The following GOLPH3L variants were observed in gnomAD, a reference collection of about 807,000 sequenced individuals.
The protein encoded by GOLPH3L is Golgi phosphoprotein 3-like.
GOLPH3L carries 22 observed loss-of-function variants against 30.3 expected under a neutral mutation model. The observed-to-expected ratio is 0.73, with a 90% CI of 0.52 to 1.04. The LOEUF (loss-of-function observed/expected upper bound fraction) is 1.04, where lower values mean the gene tolerates loss of function less well. Ranked by LOEUF, GOLPH3L falls within the 50% of genes least tolerant of loss-of-function variation. GOLPH3L has a pLI of 0.00. For missense variants in GOLPH3L, 303 were observed against 345.8 expected (o/e 0.88, Z 0.98); for synonymous variants, 120 against 128.2 (o/e 0.94, Z 0.43).
chr1:150,676,516 T>A (rs1170333866), intron 2 of GOLPH3L, among the ~76,000 whole-genome samples: 4 of 152,012 alleles, frequency 2.6e-5, no homozygotes, highest in African/African-American at 7.2e-5. Flanking sequence ...AACAACCCAA[T>A]AAGAACTCCA....
At chr1:150,649,503 A>G (rs766592985) in intron 4 of GOLPH3L, among the ~76,000 whole-genome samples, 2 of 152,222 alleles carry the variant, frequency 1.3e-5, no homozygotes, top group Non-Finnish European at 2.9e-5. Context: ...TGCTAGCTCT[A>G]TGGCACTGGT....
chr1:150,690,202 G>T (rs956616103), intron 2 of GOLPH3L, among the ~76,000 whole-genome samples: 2 of 151,830 alleles, frequency 1.3e-5, no homozygotes, highest in African/African-American at 4.8e-5. Context: ...GCCCAGGTTG[G>T]TCTAGAATTC....
rs370156839 is a variant in GOLPH3L, at chr1:150,661,774, A to T, written c.430+40T>A. 35 of 903,554 alleles carry T rather than the reference A, an allele frequency of 3.9e-5. No individual in the cohort carries two copies. In the African/African-American group the frequency reaches 4.7e-4, roughly 12 times the overall value. 56.0% of individuals were successfully genotyped at this position (903,554 alleles called of 1,614,324 possible). On this transcript the variant is annotated intron_variant, in intron 4 of 4. Transcript: ENST00000271732. ...TAAATTTCAGGGTAGGATAAAGATA[A>T]CAAAGTGTGAAATTCATATATTATT... is the stretch of plus-strand genomic sequence containing the variant.
At chr1:150,654,162 G>A (rs1429553831) in intron 4 of GOLPH3L, among the ~76,000 whole-genome samples, 6 of 152,040 alleles carry the variant, frequency 3.9e-5, no homozygotes, top group African/African-American at 1.4e-4. Flanking sequence ...ATAGAGAAAG[G>A]GACCAAAAGG....
At chr1:150,666,949 G>A (rs1650522194) in intron 2 of GOLPH3L, among the ~76,000 whole-genome samples, 1 of 152,054 alleles carries the variant, frequency 6.6e-6, no homozygotes, top group South Asian at 2.1e-4. Context: ...CACGTTTAAC[G>A]TTTTGTGAAT....
intron 2 of GOLPH3L, among the ~76,000 whole-genome samples, chr1:150,691,399 C>G (rs1651208916): frequency 6.6e-6 from 1 of 151,954 alleles, no homozygotes; most frequent in African/African-American, 2.4e-5. Context: ...GCCTGTAATC[C>G]CAGCTACTCA....
At chr1:150,685,952 G>A (rs1041903281) in intron 2 of GOLPH3L, among the ~76,000 whole-genome samples, 8 of 144,568 alleles carry the variant, frequency 5.5e-5, no homozygotes, top group African/African-American at 2.0e-4. Flanking sequence ...TTGGCTCACT[G>A]CAACTTCTGC....
intron 2 of GOLPH3L, among the ~76,000 whole-genome samples, chr1:150,669,336 T>C (rs1042054905): frequency 6.6e-6 from 1 of 152,272 alleles, no homozygotes; most frequent in South Asian, 2.1e-4. Context: ...GAAACAAATT[T>C]AGGTGCAGAA....
chr1:150,694,924 TA>T, intron 1 of GOLPH3L, 74 bp from the exon 2 acceptor site: 1 of 743,378 alleles, frequency 1.3e-6, no homozygotes, highest in East Asian at 2.5e-5. Context: ...ACATGCATAC[TA>T]AACATCCATA....
chr1:150,667,534 T>C (rs1046281656), intron 2 of GOLPH3L, among the ~76,000 whole-genome samples: 1 of 151,716 alleles, frequency 6.6e-6, no homozygotes, highest in African/African-American at 2.4e-5. Context: ...ACCTTGTCTG[T>C]AAAAACAAAA....
Position 150,648,412 on chromosome 1 carries a change from T to A in GOLPH3L, c.767A>T (p.Asp256Val). 1.2e-6 allele frequency: 2 copies of A among 1,613,738 alleles called. No individual in the cohort carries two copies. Among genetic ancestry groups the A allele is most frequent in the Non-Finnish European group, 1.7e-6 (2 of 1,179,672 alleles). ...CACTTCAGGGTCCAGTTCTACTAAG[T>A]CCTTGGCTCGATTCATTGCCACATC... Reference protein sequence around the residue: ...KYDVAMNRAKDLVELDPEVEG... With the variant: ...KYDVAMNRAKVLVELDPEVEG... The change falls in exon 5 of 5, where the codon GAC (aspartate) becomes GTC (valine). Residue 256 changes from aspartate (D) to valine (V), a missense_variant. Asp to Val is a radical substitution (Grantham distance 152). Coordinates refer to ENST00000271732, the MANE Select transcript of GOLPH3L (RefSeq NM_018178.6).
Position 150,668,629 on chromosome 1 carries a change from C to T in GOLPH3L, c.184-4866G>A, listed in dbSNP as rs587690354. 7.9e-5 allele frequency among the ~76,000 whole-genome samples: 12 copies of T among 152,282 alleles called. No individual in the cohort carries two copies. In the East Asian group the frequency reaches 2.3e-3, roughly 29 times the overall value. ...AACTCCTCAGCTCAAGTGGTATGCCCACCTCAGCCTCCTGAAGTACTAAAA... is the reference window on the plus strand; with the variant it reads ...AACTCCTCAGCTCAAGTGGTATGCCTACCTCAGCCTCCTGAAGTACTAAAA... On this transcript the variant is annotated intron_variant, in intron 2 of 4. Transcript: ENST00000271732.
In GOLPH3L at chr1:150,661,372, C is replaced by A. The variant is rs1016751639; in HGVS notation, c.430+442G>T. Among the ~76,000 whole-genome samples, 8 of 152,172 alleles carry A rather than the reference C, an allele frequency of 5.3e-5. 1 individual carries two copies. The highest frequency in any genetic ancestry group is 5.2e-4 in the Admixed American group (8 of 15,290). On this transcript the variant is annotated intron_variant, in intron 4 of 4. Coordinates refer to ENST00000271732, the MANE Select transcript of GOLPH3L (RefSeq NM_018178.6). ...ATGTTCAAACAAAAACTTGTCCGTG[C>A]GTGTTCACAGCAGCATTATTCACAA...
At chr1:150,683,699 CAAAAAAAAAAAAAAAAAAA>C (rs397981524) in intron 2 of GOLPH3L, among the ~76,000 whole-genome samples, 14 of 14,968 alleles carry the variant, frequency 9.4e-4, no homozygotes, top group African/African-American at 2.8e-3. Flanking sequence ...GACTCTCTCT[CAAAAAAAAAAAAAAAAAAA>C]AAAAAAAAAA....
chr1:150,694,506 C>T (rs587640745), intron 2 of GOLPH3L, 150 bp downstream of exon 2: 20 of 527,384 alleles, frequency 3.8e-5, no homozygotes, highest in Middle Eastern at 5.0e-4. Flanking sequence ...CTCCAAGTAT[C>T]GGTCACTGTC....
chr1:150,681,673 GTATGTT>G (rs1191045751), intron 2 of GOLPH3L, among the ~76,000 whole-genome samples: 1 of 152,048 alleles, frequency 6.6e-6, no homozygotes, highest in Non-Finnish European at 1.5e-5. Context: ...AAATAATGGG[GTATGTT>G]TATATTTATT....
intron 2 of GOLPH3L, among the ~76,000 whole-genome samples, chr1:150,669,324 T>C (rs587650700): frequency 1.3e-5 from 2 of 152,278 alleles, no homozygotes; most frequent in Non-Finnish European, 2.9e-5. Context: ...TTAGAACAGA[T>C]TGAAACAAAT....
chr1:150,693,819 G>GTATATA (rs1175095529), intron 2 of GOLPH3L, among the ~76,000 whole-genome samples: 4 of 86,862 alleles, frequency 4.6e-5, no homozygotes, highest in African/African-American at 1.5e-4. Context: ...GTGTGTGTGT[G>GTATATA]TATATATATA....
intron 2 of GOLPH3L, among the ~76,000 whole-genome samples, chr1:150,675,444 T>G (rs1650751279): frequency 6.6e-6 from 1 of 152,138 alleles, no homozygotes; most frequent in Non-Finnish European, 1.5e-5. Flanking sequence ...ACATGTATCT[T>G]CTACCCATCA....
Sources: gnomAD v4.1 joint callset for allele counts (sites outside exome capture counted in the v4.1 genomes callset) on GRCh38, gnomAD v4.1.1 for gene constraint, MANE v1.5 for transcripts, NCBI Gene and HGNC (gene_info 2026-07-23, HGNC 2026-07-21) for gene names.